ARMC3: variants seen among roughly 807,000 people sequenced by gnomAD.
ARMC3 encodes armadillo repeat-containing protein 3.
Under a neutral mutation model 90.3 loss-of-function variants are expected in ARMC3, and 74 were observed. That is an observed-to-expected ratio of 0.82 (90% CI 0.68 to 0.99). The LOEUF is 0.99. Among genes scored for constraint, ARMC3 ranks in the 50% least tolerant of loss-of-function variants. ARMC3 has a pLI of 0.00. For synonymous variants in ARMC3, 334 were observed against 361.8 expected (o/e 0.92, Z 0.87); for missense variants, 958 against 1,042.8 (o/e 0.92, Z 1.12).
At chr10:23,011,907 A>T (rs895292798) in intron 16 of ARMC3, among the ~76,000 whole-genome samples, 2 of 152,294 alleles carry the variant, frequency 1.3e-5, no homozygotes, top group African/African-American at 4.8e-5. Flanking sequence ...TAGTCCACCC[A>T]GCTATGGCCC....
At chr10:22,939,020 A>G (rs1834218934) in intron 2 of ARMC3, among the ~76,000 whole-genome samples, 1 of 152,188 alleles carries the variant, frequency 6.6e-6, no homozygotes, top group Admixed American at 6.5e-5. Context: ...TTTAGTGAGA[A>G]CTATTTTGGT....
chr10:23,021,665 T>C (rs538252808), intron 16 of ARMC3, among the ~76,000 whole-genome samples: 1 of 152,296 alleles, frequency 6.6e-6, no homozygotes, highest in Admixed American at 6.5e-5. Context: ...TTTAATGGGG[T>C]CATTCATTTT....
intron 6 of ARMC3, chr10:22,961,144 T>C (rs1335806164): frequency 6.6e-6 from 1 of 152,208 alleles, no homozygotes; most frequent in Non-Finnish European, 1.5e-5. Flanking sequence ...AGCTGAATAT[T>C]AGCAATCAAT....
intron 2 of ARMC3, among the ~76,000 whole-genome samples, chr10:22,939,725 G>T (rs981153171): frequency 2.6e-5 from 4 of 152,010 alleles, no homozygotes; most frequent in Admixed American, 6.6e-5. Flanking sequence ...TTTTCACAAT[G>T]CCCAGTATCC....
chr10:23,014,542 G>T, intron 16 of ARMC3: 2 of 963,246 alleles, frequency 2.1e-6, no homozygotes, highest in Non-Finnish European at 2.5e-6. Context: ...AAAGACATGG[G>T]ATCAACCTAA....
At chr10:22,976,542 A>G (rs764695784) in intron 8 of ARMC3, among the ~76,000 whole-genome samples, 4 of 152,208 alleles carry the variant, frequency 2.6e-5, no homozygotes, top group Non-Finnish European at 5.9e-5. Context: ...AAATTACCAG[A>G]CCAGCCTTCA....
At chr10:22,937,147 C>T (rs1834143388) in intron 2 of ARMC3, among the ~76,000 whole-genome samples, 1 of 152,102 alleles carries the variant, frequency 6.6e-6, no homozygotes, top group African/African-American at 2.4e-5. Context: ...AAGAGATCTT[C>T]CCCCCTCGGC....
At chr10:23,031,547 T>C (rs1474040702) in intron 17 of ARMC3, among the ~76,000 whole-genome samples, 1 of 152,184 alleles carries the variant, frequency 6.6e-6, no homozygotes, top group Non-Finnish European at 1.5e-5. Flanking sequence ...CAACTGCAAG[T>C]AACACAGCTG....
At chr10:22,955,413 G>A (rs955113084) in intron 3 of ARMC3, 13 of 162,318 alleles carry the variant, frequency 8.0e-5, no homozygotes, top group Admixed American at 7.7e-4. Flanking sequence ...GGGCAGAAAG[G>A]GCATCTGTCC....
chr10:23,011,909 C>A (rs1838030717), intron 16 of ARMC3, among the ~76,000 whole-genome samples: 1 of 152,214 alleles, frequency 6.6e-6, no homozygotes, highest in African/African-American at 2.4e-5. Flanking sequence ...GTCCACCCAG[C>A]TATGGCCCTG....
intron 11 of ARMC3, among the ~76,000 whole-genome samples, chr10:23,001,553 G>A (rs1837290783): frequency 6.6e-6 from 1 of 152,040 alleles, no homozygotes; most frequent in Non-Finnish European, 1.5e-5. Context: ...GATATCTTTG[G>A]GGGCCCCTTA....
chr10:22,943,957 A>G (rs1451783039), intron 2 of ARMC3, among the ~76,000 whole-genome samples: 1 of 151,890 alleles, frequency 6.6e-6, no homozygotes, highest in East Asian at 1.9e-4. Context: ...AAATTGTATT[A>G]TGATTCACAT....
At chr10:23,033,231 G>A (rs1838989760) in intron 18 of ARMC3, among the ~76,000 whole-genome samples, 1 of 151,904 alleles carries the variant, frequency 6.6e-6, no homozygotes, top group Admixed American at 6.6e-5. Context: ...ACACATACCT[G>A]CCTATATAGT....
chr10:22,974,442 GCTTT>G, intron 8 of ARMC3, among the ~76,000 whole-genome samples: 1 of 152,056 alleles, frequency 6.6e-6, no homozygotes, highest in East Asian at 1.9e-4. Flanking sequence ...TATGTTTTAT[GCTTT>G]CTGTTTATTT....
At chr10:22,962,717 GA>G (rs1423488846) in intron 7 of ARMC3, among the ~76,000 whole-genome samples, 1 of 152,136 alleles carries the variant, frequency 6.6e-6, no homozygotes, top group Non-Finnish European at 1.5e-5. Flanking sequence ...AAATTCCAGA[GA>G]TAGGAACATA....
chr10:22,942,262 T>C (rs1834352601), intron 2 of ARMC3, among the ~76,000 whole-genome samples: 1 of 152,200 alleles, frequency 6.6e-6, no homozygotes, highest in South Asian at 2.1e-4. Flanking sequence ...CACTTGCTGG[T>C]TGGCTACCAA....
At chr10:22,934,250 G>A (rs1172921987) in intron 2 of ARMC3, among the ~76,000 whole-genome samples, 1 of 152,204 alleles carries the variant, frequency 6.6e-6, no homozygotes, top group African/African-American at 2.4e-5. Context: ...TAAGAAAAGT[G>A]TTGGTATTAG....
At chr10:22,954,249 G>T (rs1834840722) in intron 3 of ARMC3, among the ~76,000 whole-genome samples, 1 of 151,874 alleles carries the variant, frequency 6.6e-6, no homozygotes, top group Non-Finnish European at 1.5e-5. Flanking sequence ...ATATATTCTG[G>T]ATATACATCC....
intron 17 of ARMC3, among the ~76,000 whole-genome samples, chr10:23,032,260 C>T (rs1838948573): frequency 6.6e-6 from 1 of 152,156 alleles, no homozygotes; most frequent in African/African-American, 2.4e-5. Context: ...GCCTTGCCCA[C>T]AGATCTGTGA....
Sources: allele counts gnomAD v4.1 joint callset (sites outside exome capture counted in the v4.1 genomes callset), GRCh38; gene constraint gnomAD v4.1.1; transcripts MANE v1.5; gene names NCBI Gene and HGNC (gene_info 2026-07-23, HGNC 2026-07-21).